Variants in ZNG1F observed in about 807,000 individuals in gnomAD.
ZNG1F encodes zinc-regulated GTPase metalloprotein activator 1F.
chr9:41,178,949 C>A, the ZNG1F span, among the ~76,000 whole-genome samples: 1 of 127,222 alleles, frequency 7.9e-6, no homozygotes, highest in South Asian at 3.0e-4. Context: ...GAAGTCAATG[C>A]CTGGCTTCAA....
chr9:41,192,932 G>A, the ZNG1F span, among the ~76,000 whole-genome samples: 1 of 151,840 alleles, frequency 6.6e-6, no homozygotes, highest in Non-Finnish European at 1.5e-5. Flanking sequence ...TTGCTATTTT[G>A]TCTCATTTAC....
At chr9:41,183,772 ATATTT>A in the ZNG1F span, 4 of 1,569,294 alleles carry the variant, frequency 2.5e-6, no homozygotes, top group Admixed American at 1.9e-5. Flanking sequence ...GCAGAAACTT[ATATTT>A]TATAACTTAT....
the ZNG1F span, among the ~76,000 whole-genome samples, chr9:41,138,974 T>G: frequency 7.6e-6 from 1 of 132,366 alleles, no homozygotes; most frequent in African/African-American, 3.0e-5. Context: ...CTTTTTCAAG[T>G]AAGTCAGGGA....
the ZNG1F span, among the ~76,000 whole-genome samples, chr9:41,203,297 G>A: frequency 2.0e-5 from 3 of 152,190 alleles, no homozygotes; most frequent in African/African-American, 7.2e-5. Context: ...CTAGCTCACA[G>A]TTGATCATCC....
At chr9:41,144,044 T>C in the ZNG1F span, among the ~76,000 whole-genome samples, 16,949 of 25,710 alleles carry the variant, frequency 0.66, 8,071 homozygotes, top group East Asian at 1. Context: ...GATTTATACC[T>C]CATTTGAGAA....
At chr9:41,166,401 G>C in the ZNG1F span, among the ~76,000 whole-genome samples, 3,205 of 104,746 alleles carry the variant, frequency 0.031, no homozygotes, top group Admixed American at 0.047. Flanking sequence ...GGGTGACAGA[G>C]TGAGATTCTG....
At chr9:41,193,573 A>T in the ZNG1F span, among the ~76,000 whole-genome samples, 1 of 147,382 alleles carries the variant, frequency 6.8e-6, no homozygotes, top group Non-Finnish European at 1.5e-5. Flanking sequence ...CCTTACAGAA[A>T]AGTAACCCAA....
chr9:41,132,074 G>A, the ZNG1F span: 86 of 1,533,486 alleles, frequency 5.6e-5, 6 homozygotes, highest in African/African-American at 4.9e-4. Flanking sequence ...AAGCTTTTAC[G>A]AACATTGTAA....
chr9:41,152,345 C>A, the ZNG1F span, among the ~76,000 whole-genome samples: 2 of 149,588 alleles, frequency 1.3e-5, no homozygotes. Flanking sequence ...CACCCAGATT[C>A]ATAAAGCAAG....
the ZNG1F span, among the ~76,000 whole-genome samples, chr9:41,154,817 C>T: frequency 6.7e-6 from 1 of 150,094 alleles, no homozygotes; most frequent in Non-Finnish European, 1.5e-5. Flanking sequence ...AAAGCTGAAA[C>T]TGGATCCCTT....
the ZNG1F span, among the ~76,000 whole-genome samples, chr9:41,144,370 C>G: frequency 5.0e-5 from 4 of 80,204 alleles, no homozygotes; most frequent in African/African-American, 1.6e-4. Context: ...CAGATACCGA[C>G]TATCATAAAG....
the ZNG1F span, among the ~76,000 whole-genome samples, chr9:41,175,217 A>C: frequency 4.8e-5 from 7 of 147,208 alleles, no homozygotes; most frequent in South Asian, 8.6e-4. Flanking sequence ...CAATGAAATA[A>C]CGGTCAGCTG....
the ZNG1F span, among the ~76,000 whole-genome samples, chr9:41,156,064 C>T: frequency 8.3e-6 from 1 of 120,846 alleles, no homozygotes; most frequent in African/African-American, 3.3e-5. Context: ...TGTGAAAACG[C>T]TAAGCTAAAA....
the ZNG1F span, among the ~76,000 whole-genome samples, chr9:41,140,889 C>T: frequency 5.3e-5 from 8 of 150,204 alleles, no homozygotes; most frequent in South Asian, 2.1e-4. Flanking sequence ...CCATGCCTGG[C>T]TAATTTTTTG....
At chr9:41,169,823 T>A in the ZNG1F span, among the ~76,000 whole-genome samples, 119 of 147,306 alleles carry the variant, frequency 8.1e-4, no homozygotes, top group Admixed American at 6.3e-3. Context: ...ATATATATAG[T>A]TTTTACTTGT....
At chr9:41,152,454 G>T in the ZNG1F span, among the ~76,000 whole-genome samples, 1 of 145,026 alleles carries the variant, frequency 6.9e-6, no homozygotes, top group East Asian at 2.1e-4. Context: ...GAGACAGAAA[G>T]TCAACAAGGA....
At chr9:41,185,239 CT>C in the ZNG1F span, among the ~76,000 whole-genome samples, 180 of 136,584 alleles carry the variant, frequency 1.3e-3, 2 homozygotes, top group Non-Finnish European at 2.3e-3. Flanking sequence ...CATATGTTTA[CT>C]TTCTTTTTAA....
the ZNG1F span, among the ~76,000 whole-genome samples, chr9:41,199,804 C>G: frequency 2.0e-5 from 3 of 152,028 alleles, no homozygotes; most frequent in East Asian, 5.8e-4. Flanking sequence ...TTCTTGACTT[C>G]TGTGCACCCG....
chr9:41,201,116 T>C, the ZNG1F span, among the ~76,000 whole-genome samples: 2 of 144,370 alleles, frequency 1.4e-5, no homozygotes, highest in Non-Finnish European at 3.0e-5. Flanking sequence ...TACTGATTTG[T>C]AGAATAACAA....
Sources: gnomAD v4.1 joint callset for allele counts (sites outside exome capture counted in the v4.1 genomes callset) on GRCh38, gnomAD v4.1.1 for gene constraint, MANE v1.5 for transcripts, NCBI Gene and HGNC (gene_info 2026-07-23, HGNC 2026-07-21) for gene names.